FGF18: variants seen among roughly 807,000 people sequenced by gnomAD.
The protein encoded by FGF18 is fibroblast growth factor 18.
FGF18 carries 5 observed loss-of-function variants against 23.0 expected under a neutral mutation model. The observed-to-expected ratio is 0.22, with a 90% CI of 0.11 to 0.46. The LOEUF (loss-of-function observed/expected upper bound fraction) is 0.46, where lower values mean the gene tolerates loss of function less well. Ranked by LOEUF, FGF18 falls within the 20% of genes least tolerant of loss-of-function variation. The pLI is 0.99. For synonymous variants in FGF18, 117 were observed against 118.9 expected, an observed-to-expected ratio of 0.98 and a Z score of 0.10; for missense variants, 180 against 291.6, an observed-to-expected ratio of 0.62 and a Z score of 2.79.
chr5:171,448,641 C>T (rs1211337620), intron 3 of FGF18, among the ~76,000 whole-genome samples: 1 of 151,948 alleles, frequency 6.6e-6, no homozygotes, highest in Non-Finnish European at 1.5e-5. Flanking sequence ...GATTGTCTGT[C>T]TTGCTTTGGG....
intron 3 of FGF18, among the ~76,000 whole-genome samples, chr5:171,447,355 G>T (rs990417124): frequency 1.3e-5 from 2 of 152,004 alleles, no homozygotes; most frequent in African/African-American, 4.8e-5. Flanking sequence ...CTGCTGTGAT[G>T]TTTGGCCCTG....
At chr5:171,423,640 C>T (rs758621757) in intron 2 of FGF18, among the ~76,000 whole-genome samples, 12 of 152,138 alleles carry the variant, frequency 7.9e-5, no homozygotes, top group Non-Finnish European at 1.2e-4. Context: ...CGCCCCCTCT[C>T]GGCCTGACCA....
intron 4 of FGF18, among the ~76,000 whole-genome samples, chr5:171,453,033 C>T (rs752580715): frequency 3.3e-5 from 5 of 152,158 alleles, no homozygotes; most frequent in Non-Finnish European, 5.9e-5. Context: ...GGAAAGAGAT[C>T]AAATTCTGCT....
intron 4 of FGF18, 106 bp downstream of exon 4, chr5:171,449,359 C>CGGTG: frequency 2.0e-5 from 5 of 246,434 alleles, no homozygotes; most frequent in Non-Finnish European, 2.4e-5. Context: ...GGAAAACAGG[C>CGGTG]CGTGTGTGTG....
At chr5:171,431,684 G>C (rs1772183728) in intron 2 of FGF18, among the ~76,000 whole-genome samples, 1 of 152,194 alleles carries the variant, frequency 6.6e-6, no homozygotes, top group South Asian at 2.1e-4. Context: ...TGTGCATGGC[G>C]TGGCAGGAAA....
At position 171,419,707 on chromosome 5, in the gene FGF18, C is replaced by T. The variant is rs1407556462; in HGVS notation, c.-493C>T. ...AGGAGGAGACATGAGCCGGCGGGCG[C>T]CCAGACGGAGCGGCCGTGACGCTTT... On this transcript the variant is annotated 5_prime_UTR_variant, in exon 1 of 5. Coordinates refer to ENST00000274625, the MANE Select transcript of FGF18 (RefSeq NM_003862.3). The T allele has an allele frequency of 1.3e-5, 2 of 151,632 alleles. No individual in the cohort carries two copies. Among genetic ancestry groups the T allele is most frequent in the African/African-American group, 4.8e-5 (2 of 41,394 alleles). The allele number at this position is 151,632 out of a possible 1,614,324, so 9.4% of individuals were successfully genotyped here.
In FGF18 at chr5:171,434,035, C is replaced by T. The variant is rs557875212; in HGVS notation, c.70-2058C>T. 2.0e-5 allele frequency among the ~76,000 whole-genome samples: 3 copies of T among 152,324 alleles called. No homozygotes were observed. In the South Asian group the frequency reaches 6.2e-4, roughly 32 times the overall value. ...GGAAACAGGCACTAGAGTTTAATAA[C>T]TTGCATAAGGTCCCTTAGCTAGAGA... On this transcript the variant is annotated intron_variant, in intron 2 of 4. Transcript: ENST00000274625. This position sits in a 1 kb window ranked among gnomAD's most constrained non-coding sequence, Gnocchi z 4.6.
At chr5:171,449,314 G>A (rs1772459048) in intron 4 of FGF18, 61 bp downstream of exon 4, 1 of 1,132,578 alleles carries the variant, frequency 8.8e-7, no homozygotes, top group East Asian at 2.4e-5. Flanking sequence ...TCTGGGAGCT[G>A]GAACAATGTG....
intron 2 of FGF18, 124 bp downstream of exon 2, chr5:171,420,567 G>A (rs1015595558): frequency 3.2e-6 from 3 of 940,170 alleles, no homozygotes; most frequent in Non-Finnish European, 4.9e-6. Flanking sequence ...CAGTGCACCT[G>A]TTCCCAGGGC....
At chr5:171,422,784 CCT>C (rs1468431606) in intron 2 of FGF18, among the ~76,000 whole-genome samples, 3 of 152,162 alleles carry the variant, frequency 2.0e-5, no homozygotes, top group Non-Finnish European at 2.9e-5. Context: ...GCCAGGGAGG[CCT>C]CTCTACATGG....
chr5:171,444,973 T>A (rs748213959), intron 3 of FGF18, among the ~76,000 whole-genome samples: 5 of 151,774 alleles, frequency 3.3e-5, no homozygotes, highest in African/African-American at 9.7e-5. Context: ...AAAATAAGAG[T>A]TTCGGAGAAG....
intron 3 of FGF18, 89 bp from the exon 4 acceptor site, chr5:171,449,057 AT>A: frequency 2.1e-6 from 2 of 953,388 alleles, no homozygotes; most frequent in South Asian, 2.7e-5. Context: ...GGGACCAAAG[AT>A]AGGACCAGGG....
chr5:171,442,997 A>G (rs1772366901), intron 3 of FGF18, among the ~76,000 whole-genome samples: 1 of 152,186 alleles, frequency 6.6e-6, no homozygotes, highest in Admixed American at 6.5e-5. Context: ...TCCTGGTCCT[A>G]CTGTGAGACT....
chr5:171,449,289 T>A (rs758140567), intron 4 of FGF18, 36 bp downstream of exon 4: 5 of 1,495,746 alleles, frequency 3.3e-6, no homozygotes, highest in Admixed American at 1.7e-5. Context: ...GAACTTCGGG[T>A]TCCCCTCTGG....
At position 171,455,407 on chromosome 5, in the gene FGF18, T is replaced by A. The variant is rs1014335149; in HGVS notation, c.358-1132T>A. Reference sequence around the variant, plus strand: ...AGTTGAGTTACAGCTGAGTAGCTGATTTAATGTCAGGTTTTATGCAAATCT... The same window carrying A: ...AGTTGAGTTACAGCTGAGTAGCTGAATTAATGTCAGGTTTTATGCAAATCT... On this transcript the variant is annotated intron_variant, in intron 4 of 4. Coordinates refer to ENST00000274625, the MANE Select transcript of FGF18 (RefSeq NM_003862.3). Among the ~76,000 whole-genome samples, 5 of 152,238 alleles carry A rather than the reference T, an allele frequency of 3.3e-5. No homozygotes were observed. In the South Asian group the frequency reaches 8.3e-4, roughly 25 times the overall value.
At chr5:171,444,251 G>A (rs1306830752) in intron 3 of FGF18, among the ~76,000 whole-genome samples, 3 of 152,174 alleles carry the variant, frequency 2.0e-5, no homozygotes, top group Admixed American at 6.5e-5. Context: ...CCCCAGGAAA[G>A]GGACTGGGGC....
chr5:171,449,398 TGTGAGA>T (rs1360845256), intron 4 of FGF18, 145 bp downstream of exon 4: 623 of 512,204 alleles, frequency 1.2e-3, no homozygotes, highest in African/African-American at 6.9e-3. Flanking sequence ...TGTGTGTGTG[TGTGAGA>T]GAGAGAGAGA....
intron 2 of FGF18, among the ~76,000 whole-genome samples, chr5:171,431,698 G>A (rs577459978): frequency 6.6e-6 from 1 of 152,274 alleles, no homozygotes; most frequent in East Asian, 1.9e-4. Context: ...CAGGAAAGGT[G>A]GAGTGACAAA....
intron 4 of FGF18, among the ~76,000 whole-genome samples, chr5:171,453,471 G>A (rs942064968): frequency 1.3e-5 from 2 of 152,146 alleles, no homozygotes; most frequent in Admixed American, 6.5e-5. Context: ...GCCTGGGGGA[G>A]GCGAGATGTT....
Sources: gnomAD v4.1 joint callset for allele counts (sites outside exome capture counted in the v4.1 genomes callset) on GRCh38, gnomAD v4.1.1 for gene constraint, Gnocchi (gnomAD v3.1) non-coding constraint, MANE v1.5 for transcripts, NCBI Gene and HGNC (gene_info 2026-07-23, HGNC 2026-07-21) for gene names.